NBEAL1: variants seen among roughly 807,000 people sequenced by gnomAD.
The protein encoded by NBEAL1 is neurobeachin like 1.
Under a neutral mutation model 351.3 loss-of-function variants are expected in NBEAL1, and 273 were observed. The observed-to-expected ratio is 0.78, with a 90% confidence interval of 0.70 to 0.86. The LOEUF is 0.86. Ranked by LOEUF, NBEAL1 falls within the 40% of genes least tolerant of loss-of-function variation. NBEAL1 has a pLI of 0.00. For synonymous variants in NBEAL1, 1,050 were observed against 1,086.4 expected (o/e 0.97, Z 0.66); for missense variants, 2,961 against 3,201.3 (o/e 0.92, Z 1.81).
intron 6 of NBEAL1, among the ~76,000 whole-genome samples, chr2:203,067,159 A>G (rs1307989892): frequency 1.3e-5 from 2 of 152,236 alleles, no homozygotes; most frequent in African/African-American, 4.8e-5. Context: ...TTTCTACCAC[A>G]TGATTGAATT....
intron 10 of NBEAL1, 131 bp downstream of exon 10, chr2:203,084,700 G>T: frequency 2.1e-6 from 1 of 473,624 alleles, no homozygotes; most frequent in South Asian, 4.5e-5. Context: ...ACATAACCAA[G>T]TTTTATCTTG....
At position 203,138,671 on chromosome 2, in the gene NBEAL1, GA is replaced by G; in HGVS notation, c.4774del (p.Ser1592ValfsTer5). 6.2e-7 allele frequency: 1 copy of G among 1,613,226 alleles called. No homozygotes were observed. Among genetic ancestry groups the G allele is most frequent in the South Asian group, 1.1e-5 (1 of 90,856 alleles). ...TGACTGTCTGTCAGTCTGCTATTCT[GA>G]AAGTCCAGTATGGGTAAAACTCTCT... ...LFDCLSVCYS[E>X]SPVWVKLSQI... On this transcript the variant is annotated frameshift_variant, in exon 31 of 56. Coordinates refer to ENST00000683969, the MANE Select transcript of NBEAL1 (RefSeq NM_001378026.1). LOFTEE classifies it high-confidence loss of function.
intron 2 of NBEAL1, among the ~76,000 whole-genome samples, chr2:203,021,029 C>T (rs2060763067): frequency 1.3e-5 from 2 of 152,158 alleles, no homozygotes; most frequent in South Asian, 2.1e-4. Flanking sequence ...GCAAGCTATT[C>T]TCCTGCCTCC....
intron 6 of NBEAL1, among the ~76,000 whole-genome samples, chr2:203,059,785 G>A (rs558615559): frequency 2.0e-5 from 3 of 152,308 alleles, no homozygotes; most frequent in South Asian, 2.1e-4. Context: ...TGGGGATGCC[G>A]AGGTGGGAGG....
chr2:203,108,148 G>A lies in NBEAL1; in HGVS notation c.1909G>A (p.Gly637Ser). The A allele has an allele frequency of 1.3e-6, 2 of 1,551,318 alleles. No individual in the cohort carries two copies. Among genetic ancestry groups the A allele is most frequent in the Non-Finnish European group, 1.7e-6 (2 of 1,146,616 alleles). Residue 637 changes from glycine (G) to serine (S), a missense_variant, in exon 14 of 56, where the codon GGC becomes AGC. Transcript: ENST00000683969. Reference protein sequence around the residue: ...FCLDQDQLTLGIANKGGKRKQ... With the variant: ...FCLDQDQLTLSIANKGGKRKQ... ...CTTAGACCAGGATCAGTTGACTCTT[G>A]GCATTGCTAACAAAGGAGGGAAAAG...
intron 7 of NBEAL1, among the ~76,000 whole-genome samples, chr2:203,077,412 T>C (rs1157306732): frequency 2.0e-5 from 3 of 152,050 alleles, no homozygotes; most frequent in African/African-American, 7.2e-5. Flanking sequence ...TTATGCCAGG[T>C]TTGGGTTAGT....
At chr2:203,190,544 G>T in intron 46 of NBEAL1, 155 bp downstream of exon 46, 2 of 716,496 alleles carry the variant, frequency 2.8e-6, no homozygotes, top group Non-Finnish European at 4.6e-6. Flanking sequence ...TTATTTCCAA[G>T]AGGAAAAACT....
intron 2 of NBEAL1, among the ~76,000 whole-genome samples, chr2:203,020,421 G>A (rs1174502479): frequency 6.6e-6 from 1 of 152,070 alleles, no homozygotes; most frequent in Non-Finnish European, 1.5e-5. Context: ...ATGTCTGTAA[G>A]GCTCACTGGA....
At chr2:203,061,198 A>C (rs961646267) in intron 6 of NBEAL1, 24 of 152,198 alleles carry the variant, frequency 1.6e-4, no homozygotes, top group Admixed American at 9.2e-4. Flanking sequence ...ATGTCCTTGA[A>C]AGAAACTGGG....
chr2:203,095,937 A>G (rs1335856258), intron 10 of NBEAL1, among the ~76,000 whole-genome samples: 1 of 151,174 alleles, frequency 6.6e-6, no homozygotes, highest in South Asian at 2.1e-4. Context: ...TATTTTTAGT[A>G]GAGACAGGGT....
intron 28 of NBEAL1, 73 bp downstream of exon 28, chr2:203,136,325 T>C (rs2063207458): frequency 8.3e-6 from 9 of 1,081,910 alleles, no homozygotes; most frequent in African/African-American, 1.6e-5. Flanking sequence ...CTTAGAAATA[T>C]GTGAGCAGTT....
chr2:203,179,195 A>C (rs2064620829), intron 42 of NBEAL1, among the ~76,000 whole-genome samples: 1 of 152,224 alleles, frequency 6.6e-6, no homozygotes, highest in African/African-American at 2.4e-5. Flanking sequence ...CAAATGAAAT[A>C]AAACAGAAGG....
chr2:203,063,985 A>G (rs1277491756), intron 6 of NBEAL1, among the ~76,000 whole-genome samples: 1 of 152,162 alleles, frequency 6.6e-6, no homozygotes, highest in African/African-American at 2.4e-5. Flanking sequence ...GGATCAGGCA[A>G]GAATCATTCA....
At chr2:203,193,542 A>G (rs1015578535) in intron 46 of NBEAL1, among the ~76,000 whole-genome samples, 1 of 152,088 alleles carries the variant, frequency 6.6e-6, no homozygotes, top group Non-Finnish European at 1.5e-5. Context: ...AAATAATAAA[A>G]GAGAATAATA....
chr2:203,088,139 T>A (rs2062002020), intron 10 of NBEAL1, among the ~76,000 whole-genome samples: 1 of 152,240 alleles, frequency 6.6e-6, no homozygotes, highest in Non-Finnish European at 1.5e-5. Flanking sequence ...CTACAACATG[T>A]ATTAAATGAT....
At chr2:203,021,943 C>T (rs890958083) in intron 2 of NBEAL1, among the ~76,000 whole-genome samples, 4 of 150,994 alleles carry the variant, frequency 2.6e-5, no homozygotes, top group Admixed American at 2.6e-4. Flanking sequence ...CCCACCTACT[C>T]GGGAGGCTGA....
At chr2:203,021,302 A>T (rs2060768516) in intron 2 of NBEAL1, among the ~76,000 whole-genome samples, 1 of 151,514 alleles carries the variant, frequency 6.6e-6, no homozygotes, top group African/African-American at 2.4e-5. Flanking sequence ...TTTAATGTCT[A>T]AAGATTTCAG....
chr2:203,157,852 T>C, intron 36 of NBEAL1, 27 bp downstream of exon 36: 1 of 1,465,446 alleles, frequency 6.8e-7, no homozygotes, highest in South Asian at 1.5e-5. Flanking sequence ...AAAATTATTT[T>C]GTTCTGAGAA....
intron 4 of NBEAL1, among the ~76,000 whole-genome samples, chr2:203,056,008 CAT>C (rs1223878469): frequency 3.9e-5 from 6 of 152,064 alleles, no homozygotes; most frequent in Admixed American, 1.3e-4. Context: ...TTATAGTGCA[CAT>C]GTTATAATGA....
Sources: gnomAD v4.1 joint callset for allele counts (sites outside exome capture counted in the v4.1 genomes callset) on GRCh38, gnomAD v4.1.1 for gene constraint, MANE v1.5 for transcripts, NCBI Gene and HGNC (gene_info 2026-07-23, HGNC 2026-07-21) for gene names.